LPP: variants seen among roughly 807,000 people sequenced by gnomAD.
LPP encodes the protein lipoma-preferred partner.
In LPP, 38 loss-of-function variants were observed where a neutral mutation model predicts 60.4. The ratio of observed to expected loss-of-function variants is 0.63; its 90% confidence interval spans 0.49 to 0.83. The LOEUF (loss-of-function observed/expected upper bound fraction) is 0.83, where lower values mean the gene tolerates loss of function less well. Ranked by LOEUF, LPP falls within the 40% of genes least tolerant of loss-of-function variation. The pLI is 0.00. For missense variants in LPP, 902 were observed against 783.6 expected (o/e 1.15, Z -1.80); for synonymous variants, 328 against 290.8 (o/e 1.13, Z -1.30).
intron 6 of LPP, among the ~76,000 whole-genome samples, chr3:188,570,575 CAATT>C (rs1393650155): frequency 1.3e-5 from 2 of 152,006 alleles, no homozygotes; most frequent in Non-Finnish European, 2.9e-5. Flanking sequence ...TGTAATGTCT[CAATT>C]AGTGTACCTA....
At chr3:188,850,030 A>T (rs1032991835) in intron 9 of LPP, among the ~76,000 whole-genome samples, 2 of 152,246 alleles carry the variant, frequency 1.3e-5, no homozygotes, top group Non-Finnish European at 2.9e-5. Flanking sequence ...TTTAAAAGTT[A>T]TGGATGCCTG....
chr3:188,321,916 A>G (rs898872389), intron 2 of LPP, among the ~76,000 whole-genome samples: 2 of 152,244 alleles, frequency 1.3e-5, no homozygotes, highest in African/African-American at 4.8e-5. Flanking sequence ...ATAGCCAGCA[A>G]AAATGAAGAA....
At chr3:188,222,501 A>G (rs1308555392) in intron 1 of LPP, among the ~76,000 whole-genome samples, 1 of 152,230 alleles carries the variant, frequency 6.6e-6, no homozygotes, top group Admixed American at 6.5e-5. Flanking sequence ...AGACAGAGAA[A>G]CCTGAGCTTT....
Position 188,328,610 on chromosome 3 carries a change from T to C in LPP, c.-66-13053T>C, listed in dbSNP as rs558966880. On this transcript the variant is annotated intron_variant, in intron 2 of 11. Transcript: ENST00000617246. ...CATTTAAAGAACCATAGTTCGTCAGTCATTGTTTCAAATAAAAATGATGTT... is the reference window on the plus strand; with the variant it reads ...CATTTAAAGAACCATAGTTCGTCAGCCATTGTTTCAAATAAAAATGATGTT... 3.3e-5 allele frequency among the ~76,000 whole-genome samples: 5 copies of C among 152,288 alleles called. No individual in the cohort carries two copies. The South Asian group carries it at 8.3e-4, about 25-fold the overall frequency.
chr3:188,351,482 A>T (rs1765819381), intron 3 of LPP, among the ~76,000 whole-genome samples: 1 of 152,132 alleles, frequency 6.6e-6, no homozygotes. Flanking sequence ...TTCTATGAAG[A>T]CCACTAAGAA....
At chr3:188,777,638 T>C (rs1032914181) in intron 9 of LPP, among the ~76,000 whole-genome samples, 3 of 152,132 alleles carry the variant, frequency 2.0e-5, no homozygotes, top group African/African-American at 7.2e-5. Context: ...AGATTATGAG[T>C]GTCTTGGCAT....
intron 7 of LPP, among the ~76,000 whole-genome samples, chr3:188,623,950 G>C (rs1320062705): frequency 6.6e-6 from 1 of 152,144 alleles, no homozygotes. Flanking sequence ...CAACCGGCAA[G>C]GCGAGGGGTG....
intron 3 of LPP, among the ~76,000 whole-genome samples, chr3:188,355,529 C>T (rs1316262844): frequency 1.3e-5 from 2 of 152,154 alleles, no homozygotes; most frequent in Non-Finnish European, 2.9e-5. Context: ...AGTAAAATAG[C>T]CTGTTTACAT....
At chr3:188,803,268 C>T (rs1376974480) in intron 9 of LPP, among the ~76,000 whole-genome samples, 1 of 152,062 alleles carries the variant, frequency 6.6e-6, no homozygotes, top group Non-Finnish European at 1.5e-5. Flanking sequence ...TGGTCTTGAA[C>T]TCCTGGCCTC....
chr3:188,790,679 G>A (rs939055778), intron 9 of LPP, among the ~76,000 whole-genome samples: 6 of 151,850 alleles, frequency 4.0e-5, no homozygotes, highest in East Asian at 3.9e-4. Flanking sequence ...AAAATTAGTC[G>A]GGTGTGGTGG....
At chr3:188,667,487 AAAC>A (rs1181895822) in intron 7 of LPP, among the ~76,000 whole-genome samples, 1 of 151,332 alleles carries the variant, frequency 6.6e-6, no homozygotes, top group East Asian at 1.9e-4. Flanking sequence ...CAAAAAAAAA[AAAC>A]ATCTTTGGTA....
chr3:188,760,409 G>GGGGT (rs1553836222), intron 9 of LPP, 127 bp downstream of exon 9: 41 of 602,806 alleles, frequency 6.8e-5, no homozygotes, highest in South Asian at 4.1e-4. Context: ...GTGTGTGTGG[G>GGGGT]GTGTGTGTGT....
intron 8 of LPP, among the ~76,000 whole-genome samples, chr3:188,715,472 GA>G (rs1175524156): frequency 6.9e-6 from 1 of 145,698 alleles, no homozygotes; most frequent in East Asian, 2.1e-4. Flanking sequence ...GCTTATAATA[GA>G]AAATGGAAAA....
At chr3:188,302,796 T>A (rs1222824134) in intron 2 of LPP, among the ~76,000 whole-genome samples, 1 of 152,238 alleles carries the variant, frequency 6.6e-6, no homozygotes, top group Non-Finnish European at 1.5e-5. Context: ...GAAATAGCAA[T>A]GACTTTTGAA....
chr3:188,811,592 T>C (rs187509242), intron 9 of LPP, among the ~76,000 whole-genome samples: 57 of 152,248 alleles, frequency 3.7e-4, no homozygotes, highest in Admixed American at 3.3e-4. Flanking sequence ...CCAGGTCTTT[T>C]GCACTGGAAG....
intron 3 of LPP, among the ~76,000 whole-genome samples, chr3:188,386,260 G>GTGCACACA: frequency 1.0e-5 from 1 of 96,832 alleles, no homozygotes; most frequent in African/African-American, 3.7e-5. Context: ...GTCATAGCAT[G>GTGCACACA]CGCGCACACA....
intron 9 of LPP, among the ~76,000 whole-genome samples, chr3:188,818,102 G>A (rs553229539): frequency 1.3e-5 from 2 of 152,254 alleles, no homozygotes; most frequent in East Asian, 1.9e-4. Context: ...TGCATATCCT[G>A]TAATCAATCC....
At chr3:188,216,868 G>A (rs893122538) in intron 1 of LPP, among the ~76,000 whole-genome samples, 3 of 152,204 alleles carry the variant, frequency 2.0e-5, no homozygotes, top group Non-Finnish European at 4.4e-5. Context: ...CCAAAGCCCA[G>A]GATGTTAGCC....
intron 2 of LPP, among the ~76,000 whole-genome samples, chr3:188,289,470 A>G (rs1745210661): frequency 6.6e-6 from 1 of 152,194 alleles, no homozygotes; most frequent in Non-Finnish European, 1.5e-5. Flanking sequence ...TGTATTTTAC[A>G]TACATCATCT....
Sources: gnomAD v4.1 joint callset for allele counts (sites outside exome capture counted in the v4.1 genomes callset) on GRCh38, gnomAD v4.1.1 for gene constraint, MANE v1.5 for transcripts, NCBI Gene and HGNC (gene_info 2026-07-23, HGNC 2026-07-21) for gene names.